The following PHF24 variants were observed in gnomAD, a reference collection of about 807,000 sequenced individuals.
The protein encoded by PHF24 is PHD finger protein 24.
PHF24 carries 25 observed loss-of-function variants against 42.6 expected under a neutral mutation model. That is an observed-to-expected ratio of 0.59 (90% CI 0.43 to 0.82). The LOEUF is 0.82. PHF24 is among the 40% of genes least tolerant of loss of function. The probability of loss-of-function intolerance (pLI) is 0.00; values close to 1 mark genes in which losing one functional copy is unlikely to be tolerated. For synonymous variants in PHF24, 185 were observed against 204.8 expected (o/e 0.90, Z 0.83); for missense variants, 470 against 538.1 (o/e 0.87, Z 1.25).
chr9:34,899,935 G>A, the PHF24 span, among the ~76,000 whole-genome samples: 1 of 152,106 alleles, frequency 6.6e-6, no homozygotes, highest in Non-Finnish European at 1.5e-5. Flanking sequence ...TAGATGCAGA[G>A]TCCAGCAACC....
At chr9:34,844,583 T>A in the PHF24 span, among the ~76,000 whole-genome samples, 3 of 152,320 alleles carry the variant, frequency 2.0e-5, no homozygotes, top group South Asian at 6.2e-4. Context: ...CAGGTATTTG[T>A]GAATTTTTCC....
At chr9:34,886,478 G>A in the PHF24 span, among the ~76,000 whole-genome samples, 2 of 145,440 alleles carry the variant, frequency 1.4e-5, no homozygotes, top group East Asian at 2.0e-4. Flanking sequence ...CTACAAGTCC[G>A]CATCTTAATT....
the PHF24 span, among the ~76,000 whole-genome samples, chr9:34,741,590 G>A: frequency 1.3e-5 from 2 of 151,970 alleles, no homozygotes; most frequent in Non-Finnish European, 2.9e-5. Context: ...TCGAACTCCC[G>A]ACCTCAGGTG....
chr9:34,809,965 C>T, the PHF24 span, among the ~76,000 whole-genome samples: 1 of 150,922 alleles, frequency 6.6e-6, no homozygotes, highest in African/African-American at 2.4e-5. This position sits in a 1 kb window ranked among gnomAD's most constrained non-coding sequence, Gnocchi z 4.1. Flanking sequence ...CGCGCGCCCA[C>T]CTGCCGGCCA....
the PHF24 span, chr9:34,922,389 T>A: frequency 8.4e-6 from 12 of 1,432,052 alleles, no homozygotes; most frequent in Non-Finnish European, 1.2e-5. Context: ...AACGTCATAA[T>A]AGAACACGGA....
the PHF24 span, among the ~76,000 whole-genome samples, chr9:34,667,109 C>G: frequency 2.6e-5 from 4 of 152,150 alleles, no homozygotes; most frequent in African/African-American, 9.7e-5. Context: ...GGCAATCAAC[C>G]CAGTGTGGGA....
At chr9:34,770,728 G>A in the PHF24 span, among the ~76,000 whole-genome samples, 1 of 151,572 alleles carries the variant, frequency 6.6e-6, no homozygotes, top group Non-Finnish European at 1.5e-5. Context: ...TGGAGAAAGG[G>A]AAGAGGGCAA....
chr9:34,753,262 T>G, the PHF24 span, among the ~76,000 whole-genome samples: 1 of 152,080 alleles, frequency 6.6e-6, no homozygotes, highest in Non-Finnish European at 1.5e-5. Flanking sequence ...ACCTAGAAAC[T>G]TCACCAAAAA....
the PHF24 span, among the ~76,000 whole-genome samples, chr9:34,877,655 A>G: frequency 6.6e-6 from 1 of 152,054 alleles, no homozygotes; most frequent in African/African-American, 2.4e-5. Context: ...TTTTACCATA[A>G]TTTTTTTTAA....
At chr9:34,880,718 A>T in the PHF24 span, among the ~76,000 whole-genome samples, 9 of 152,294 alleles carry the variant, frequency 5.9e-5, no homozygotes, top group East Asian at 1.5e-3. Context: ...AAGTCCTTAG[A>T]GACCTACAAA....
chr9:34,811,571 C>CA, the PHF24 span, among the ~76,000 whole-genome samples: 1 of 152,164 alleles, frequency 6.6e-6, no homozygotes, highest in Non-Finnish European at 1.5e-5. Context: ...TCCCAGCCTC[C>CA]AGAGATGTAA....
At chr9:34,811,605 T>A in the PHF24 span, among the ~76,000 whole-genome samples, 1 of 152,176 alleles carries the variant, frequency 6.6e-6, no homozygotes, top group Non-Finnish European at 1.5e-5. Context: ...TGTTCTGTTA[T>A]AGCAGCACAA....
the PHF24 span, chr9:34,922,211 A>G: frequency 1.3e-5 from 20 of 1,591,186 alleles, no homozygotes; most frequent in African/African-American, 2.7e-4. Context: ...CTCCTGCTTC[A>G]GCTTTGTCTC....
At chr9:34,968,435 C>G (rs965661134) in intron 1 of PHF24, among the ~76,000 whole-genome samples, 4 of 152,176 alleles carry the variant, frequency 2.6e-5, no homozygotes, top group Non-Finnish European at 5.9e-5. Context: ...GTGCCACTGC[C>G]CTTTAAGGCA....
chr9:34,697,080 T>C, the PHF24 span, among the ~76,000 whole-genome samples: 1 of 152,178 alleles, frequency 6.6e-6, no homozygotes, highest in South Asian at 2.1e-4. Context: ...TTGGGTATCA[T>C]TGTGTTAATA....
the PHF24 span, among the ~76,000 whole-genome samples, chr9:34,862,247 C>A: frequency 1.3e-5 from 2 of 152,142 alleles, no homozygotes; most frequent in African/African-American, 4.8e-5. Flanking sequence ...AACTCTTAAG[C>A]AAATTCTATT....
chr9:34,682,150 A>AT, the PHF24 span, among the ~76,000 whole-genome samples: 8,106 of 93,468 alleles, frequency 0.087, 467 homozygotes, highest in East Asian at 0.37. Context: ...AATTATTTCT[A>AT]TTTTTTTTTT....
the PHF24 span, among the ~76,000 whole-genome samples, chr9:34,919,396 CTTAT>C: frequency 2.0e-5 from 3 of 152,084 alleles, no homozygotes; most frequent in African/African-American, 7.2e-5. Flanking sequence ...AACATTAGAA[CTTAT>C]TTCTTCTATC....
chr9:34,809,317 A>G, the PHF24 span, among the ~76,000 whole-genome samples: 1 of 152,244 alleles, frequency 6.6e-6, no homozygotes, highest in African/African-American at 2.4e-5. This position sits in a 1 kb window ranked among gnomAD's most constrained non-coding sequence, Gnocchi z 4.1. Flanking sequence ...TTATTTCTTT[A>G]TAATTAGCTA....
Sources: allele counts gnomAD v4.1 joint callset (sites outside exome capture counted in the v4.1 genomes callset), GRCh38; gene constraint gnomAD v4.1.1; non-coding constraint Gnocchi (gnomAD v3.1); transcripts MANE v1.5; gene names NCBI Gene and HGNC (gene_info 2026-07-23, HGNC 2026-07-21).